The following TRIP12 variants were observed in gnomAD, a reference collection of about 807,000 sequenced individuals.
TRIP12 encodes the protein thyroid hormone receptor interactor 12, also known as E3 ubiquitin-protein ligase TRIP12.
A neutral mutation model predicts 244.2 loss-of-function variants in TRIP12; 25 were observed. That is an observed-to-expected ratio of 0.10 (90% CI 0.07 to 0.14). The LOEUF (loss-of-function observed/expected upper bound fraction) is 0.14, where lower values mean the gene tolerates loss of function less well. TRIP12 is among the 10% of genes least tolerant of loss of function. The probability of loss-of-function intolerance (pLI) is 1.00; values close to 1 mark genes in which losing one functional copy is unlikely to be tolerated. For synonymous variants in TRIP12, 905 were observed against 873.1 expected, an observed-to-expected ratio of 1.04 and a Z score of -0.64; for missense variants, 1,677 against 2,486.4, an observed-to-expected ratio of 0.67 and a Z score of 6.92.
In TRIP12 at chr2:229,778,511, T is replaced by G. The variant is rs1364949986; in HGVS notation, c.5286A>C (p.Pro1762=). Reference sequence around the variant, plus strand: ...TCATCTTAACCTTTGCGATATGAGCTGGCTTTGCTGTCCTACCAAAGGGAA... The same window carrying G: ...TCATCTTAACCTTTGCGATATGAGCGGGCTTTGCTGTCCTACCAAAGGGAA... ...FALPFGRTAK[P]AHIAKVKMKF... Residue 1762 remains proline, a synonymous_variant, in exon 36 of 42, where the codon CCA becomes CCC. Transcript: ENST00000675903. The surrounding 1 kb of genome is among the most constrained non-coding windows in gnomAD (Gnocchi z 4.1). The G allele has an allele frequency of 1.2e-6, 2 of 1,614,096 alleles. No individual in the cohort carries two copies. Among genetic ancestry groups the G allele is most frequent in the Non-Finnish European group, 1.7e-6 (2 of 1,179,940 alleles).
At chr2:229,777,892 C>T (rs1236520245) in intron 36 of TRIP12, among the ~76,000 whole-genome samples, 2 of 152,104 alleles carry the variant, frequency 1.3e-5, no homozygotes, top group East Asian at 1.9e-4. Flanking sequence ...AGCACGGTGG[C>T]TCATGCCTGT....
chr2:229,879,652 T>C (rs1203242205), intron 2 of TRIP12, among the ~76,000 whole-genome samples: 2 of 152,084 alleles, frequency 1.3e-5, no homozygotes, highest in African/African-American at 4.8e-5. Flanking sequence ...AGTCAACACA[T>C]AAGGAAAAAG....
intron 6 of TRIP12, among the ~76,000 whole-genome samples, chr2:229,833,905 G>A (rs1553661338): frequency 6.6e-6 from 1 of 152,028 alleles, no homozygotes; most frequent in Non-Finnish European, 1.5e-5. Context: ...CCAAGCCTCT[G>A]GCTAATTTAA....
Position 229,827,870 on chromosome 2 carries a change from G to A in TRIP12, c.1450+1323C>T, listed in dbSNP as rs541449958. 5.9e-5 allele frequency among the ~76,000 whole-genome samples: 9 copies of A among 152,178 alleles called. No homozygotes were observed. The South Asian group carries it at 1.5e-3, about 25-fold the overall frequency. On this transcript the variant is annotated intron_variant, in intron 8 of 41. Transcript: ENST00000675903. ...TAGTGTTATTATAGTTAGGGTTACC[G>A]TATTTTATGTGTGGCCCAAGACAAT...
At chr2:229,796,013 C>G (rs2042727073) in intron 25 of TRIP12, among the ~76,000 whole-genome samples, 1 of 152,188 alleles carries the variant, frequency 6.6e-6, no homozygotes, top group African/African-American at 2.4e-5. Flanking sequence ...GATGCCTTCT[C>G]TTTAAGCCAC....
intron 1 of TRIP12, among the ~76,000 whole-genome samples, chr2:229,907,778 A>G (rs972950261): frequency 2.9e-4 from 1 of 3,476 alleles, no homozygotes; most frequent in Admixed American, 6.2e-3. Context: ...ACTCCAGTCT[A>G]AACAACAGAG....
At chr2:229,922,533 A>G (rs74794441), upstream of TRIP12, 3 of 1,613,760 alleles carry the variant, frequency 1.9e-6, no homozygotes, top group African/African-American at 1.3e-5. Context: ...TGGCTGCCGG[A>G]GACTCTCTTT....
chr2:229,849,351 A>G (rs2058199759), intron 4 of TRIP12, among the ~76,000 whole-genome samples: 1 of 152,202 alleles, frequency 6.6e-6, no homozygotes, highest in Non-Finnish European at 1.5e-5. Context: ...GACAGGAAGT[A>G]TGTAACAGTA....
At chr2:229,852,720 A>G (rs1249718563) in intron 4 of TRIP12, among the ~76,000 whole-genome samples, 1 of 152,230 alleles carries the variant, frequency 6.6e-6, no homozygotes, top group Non-Finnish European at 1.5e-5. Flanking sequence ...CAGGAAGTCT[A>G]TCACTAAAGT....
At chr2:229,839,836 T>G (rs1211727087) in intron 5 of TRIP12, among the ~76,000 whole-genome samples, 1 of 152,190 alleles carries the variant, frequency 6.6e-6, no homozygotes, top group Non-Finnish European at 1.5e-5. Flanking sequence ...AGGCTAAGAT[T>G]CTCAATCAGT....
intron 33 of TRIP12, 85 bp from the exon 34 acceptor site, chr2:229,785,940 A>G: frequency 8.0e-7 from 1 of 1,254,430 alleles, no homozygotes; most frequent in East Asian, 2.4e-5. Context: ...GAAATGCAAA[A>G]GAACAAGATC....
chr2:229,799,162 C>G, intron 22 of TRIP12, 113 bp from the exon 23 acceptor site: 1 of 1,499,672 alleles, frequency 6.7e-7, no homozygotes, highest in Non-Finnish European at 9.2e-7. Flanking sequence ...GAACTAAGAA[C>G]ACTTAGTCCT....
At chr2:229,832,418 A>AGCC (rs1284315349) in intron 6 of TRIP12, among the ~76,000 whole-genome samples, 3 of 152,234 alleles carry the variant, frequency 2.0e-5, no homozygotes, top group South Asian at 4.1e-4. Context: ...CACCACTCTG[A>AGCC]AAAGTTTAGA....
chr2:229,904,666 C>A (rs766987415), intron 1 of TRIP12, among the ~76,000 whole-genome samples: 5 of 151,996 alleles, frequency 3.3e-5, no homozygotes, highest in Non-Finnish European at 7.4e-5. Context: ...TCTTAGTTTT[C>A]TTTATTCAAA....
intron 15 of TRIP12, among the ~76,000 whole-genome samples, chr2:229,809,983 C>T (rs914835297): frequency 6.6e-6 from 1 of 152,196 alleles, no homozygotes; most frequent in Non-Finnish European, 1.5e-5. Context: ...CCCAAGGTAA[C>T]ATCCATAGAG....
chr2:229,849,627 C>A (rs1265995935), intron 4 of TRIP12, among the ~76,000 whole-genome samples: 2 of 152,010 alleles, frequency 1.3e-5, no homozygotes, highest in Non-Finnish European at 2.9e-5. Context: ...CTTTCGGAGG[C>A]CTAGATAGGA....
At chr2:229,877,313 T>A (rs981829844) in intron 2 of TRIP12, among the ~76,000 whole-genome samples, 7 of 151,886 alleles carry the variant, frequency 4.6e-5, no homozygotes, top group Non-Finnish European at 7.4e-5. Flanking sequence ...GCCAAGGCGG[T>A]TGGATCAGGA....
At chr2:229,833,490 T>G (rs897235308) in intron 6 of TRIP12, among the ~76,000 whole-genome samples, 4 of 152,162 alleles carry the variant, frequency 2.6e-5, no homozygotes, top group Non-Finnish European at 5.9e-5. Flanking sequence ...GGTTTCACCA[T>G]GTTGCCCAGG....
At chr2:229,782,283 CT>C (rs1292373679) in intron 34 of TRIP12, among the ~76,000 whole-genome samples, 1 of 152,008 alleles carries the variant, frequency 6.6e-6, no homozygotes, top group Non-Finnish European at 1.5e-5. Context: ...ATCTGGCCTC[CT>C]CCTTTCTATC....
Sources: allele counts gnomAD v4.1 joint callset (sites outside exome capture counted in the v4.1 genomes callset), GRCh38; gene constraint gnomAD v4.1.1; non-coding constraint Gnocchi (gnomAD v3.1); transcripts MANE v1.5; gene names NCBI Gene and HGNC (gene_info 2026-07-23, HGNC 2026-07-21).